SFSWAP: variants seen among roughly 807,000 people sequenced by gnomAD.
SFSWAP encodes the protein splicing factor SWAP, also known as splicing factor, suppressor of white-apricot homolog.
A neutral mutation model predicts 100.7 loss-of-function variants in SFSWAP; 17 were observed. That is an observed-to-expected ratio of 0.17 (90% CI 0.12 to 0.25). SFSWAP has a LOEUF of 0.25. Ranked by LOEUF, SFSWAP falls within the 10% of genes least tolerant of loss-of-function variation. SFSWAP has a pLI of 1.00. For missense variants in SFSWAP, 1,005 were observed against 1,262.6 expected (o/e 0.80, Z 3.09); for synonymous variants, 504 against 510.1 (o/e 0.99, Z 0.16).
chr12:131,773,819 T>G (rs978501830), intron 13 of SFSWAP, among the ~76,000 whole-genome samples: 6 of 152,230 alleles, frequency 3.9e-5, no homozygotes, highest in African/African-American at 1.2e-4. Flanking sequence ...ATGACTGCAT[T>G]TGAGCTGTTG....
chr12:131,725,483 A>G lies in SFSWAP; in HGVS notation c.685A>G (p.Met229Val), dbSNP rs1351627811. 1 of 1,614,194 alleles carries G rather than the reference A, an allele frequency of 6.2e-7. No individual in the cohort carries two copies. The highest frequency in any genetic ancestry group is 8.5e-7 in the Non-Finnish European group (1 of 1,180,040). ...VCRQGAQFEI[M>V]LKAKQARNSQ... ...CAGGCAGGGAGCACAGTTTGAGATCATGCTGAAGGCCAAGCAGGCCCGGAA... is the reference window on the plus strand; with the variant it reads ...CAGGCAGGGAGCACAGTTTGAGATCGTGCTGAAGGCCAAGCAGGCCCGGAA... Residue 229 changes from methionine to valine, a missense_variant, in exon 5 of 18, where the codon ATG becomes GTG. Transcript: ENST00000261674. The surrounding 1 kb of genome is among the most constrained non-coding windows in gnomAD (Gnocchi z 4.3).
chr12:131,723,652 A>T (rs1489958322), intron 4 of SFSWAP, among the ~76,000 whole-genome samples: 1 of 151,566 alleles, frequency 6.6e-6, no homozygotes, highest in Non-Finnish European at 1.5e-5. Context: ...ATGTCATGCC[A>T]CCTCCTTCCT....
intron 7 of SFSWAP, among the ~76,000 whole-genome samples, chr12:131,732,262 T>C (rs1879587955): frequency 6.6e-6 from 1 of 152,190 alleles, no homozygotes; most frequent in African/African-American, 2.4e-5. Flanking sequence ...ATAGAATAAC[T>C]GTAACGTTTG....
At chr12:131,785,230 T>C (rs1050476155) in intron 14 of SFSWAP, 4 of 1,533,494 alleles carry the variant, frequency 2.6e-6, no homozygotes, top group Admixed American at 3.9e-5. Context: ...AACGTCAAGG[T>C]GTCTAACTGA....
intron 11 of SFSWAP, 131 bp downstream of exon 11, chr12:131,756,775 T>A: frequency 1.3e-6 from 1 of 751,952 alleles, no homozygotes. Flanking sequence ...TGGAGGTTGC[T>A]GTGGTGAAAC....
chr12:131,754,744 CTG>C (rs1185165970), intron 9 of SFSWAP, among the ~76,000 whole-genome samples: 1 of 147,856 alleles, frequency 6.8e-6, no homozygotes, highest in Non-Finnish European at 1.5e-5. Flanking sequence ...AGCAATTCTC[CTG>C]TCTCAGCCTC....
At chr12:131,726,335 G>A (rs906478604) in intron 5 of SFSWAP, among the ~76,000 whole-genome samples, 6 of 152,088 alleles carry the variant, frequency 3.9e-5, no homozygotes, top group African/African-American at 4.8e-5. Flanking sequence ...TCAGCCTCCC[G>A]AGTAGCTGGG....
At chr12:131,782,691 C>A (rs570274234) in intron 14 of SFSWAP, among the ~76,000 whole-genome samples, 1 of 152,266 alleles carries the variant, frequency 6.6e-6, no homozygotes, top group African/African-American at 2.4e-5. Context: ...AGCCTTCTTA[C>A]AGCACAACGA....
chr12:131,716,070 C>T (rs1259101726), intron 3 of SFSWAP, among the ~76,000 whole-genome samples: 1 of 152,170 alleles, frequency 6.6e-6, no homozygotes, highest in East Asian at 1.9e-4. Flanking sequence ...GATGTTTGCC[C>T]TTCCATCCTG....
Position 131,729,892 on chromosome 12 carries a change from C to T in SFSWAP, c.1081+1464C>T, listed in dbSNP as rs1042606829. 4.6e-5 allele frequency among the ~76,000 whole-genome samples: 7 copies of T among 152,212 alleles called. No homozygotes were observed. The East Asian group carries it at 7.7e-4, about 17-fold the overall frequency. ...GTAAACATCACAGCTGTGTTCTTTG[C>T]ACTTCCCTTTTAGCACTGGCACATA... On this transcript the variant is annotated intron_variant, in intron 7 of 17. Transcript: ENST00000261674.
chr12:131,754,343 G>A, intron 8 of SFSWAP, 25 bp from the exon 9 acceptor site: 2 of 1,497,364 alleles, frequency 1.3e-6, no homozygotes, highest in Non-Finnish European at 1.8e-6. Flanking sequence ...GAAGCCCAGG[G>A]GTCTCACAGA....
intron 13 of SFSWAP, among the ~76,000 whole-genome samples, chr12:131,770,774 A>G (rs1230596924): frequency 6.6e-6 from 1 of 152,132 alleles, no homozygotes; most frequent in Non-Finnish European, 1.5e-5. Flanking sequence ...CTGTGCAACT[A>G]TTACCACCCA....
chr12:131,711,292 C>G lies in SFSWAP; in HGVS notation c.63C>G (p.Ala21=). ...PERKSGAKEE[A]GPGGAGGGGS... The stretch of plus-strand genomic sequence containing the variant: ...GGAAAAGCGGCGCGAAGGAGGAGGC[C>G]GGGCCAGGCGGTGCCGGCGGTGGGG... Residue 21 remains alanine, a synonymous_variant, in exon 1 of 18, where the codon GCC becomes GCG. Coordinates refer to ENST00000261674, the MANE Select transcript of SFSWAP (RefSeq NM_004592.4). This position sits in a 1 kb window ranked among gnomAD's most constrained non-coding sequence, Gnocchi z 4.9. 6.2e-7 allele frequency: 1 copy of G among 1,613,052 alleles called. No individual in the cohort carries two copies. The highest frequency in any genetic ancestry group is 1.1e-5 in the South Asian group (1 of 91,062).
At position 131,738,992 on chromosome 12, in the gene SFSWAP, A is replaced by G. The variant is rs1880338188; in HGVS notation, c.1081+10564A>G. On this transcript the variant is annotated intron_variant, in intron 7 of 17. Coordinates refer to ENST00000261674, the MANE Select transcript of SFSWAP (RefSeq NM_004592.4). The stretch of plus-strand genomic sequence containing the variant: ...CACTGCAACCTCAAGCTATCCTCCC[A>G]CCTCAGCCTCCTGACCAGCTGGGAC... Among the ~76,000 whole-genome samples, 3 of 87,998 alleles carry G rather than the reference A, an allele frequency of 3.4e-5. No homozygotes were observed. In the South Asian group the frequency reaches 1.2e-3, roughly 37 times the overall value. 57.7% of individuals were successfully genotyped at this position (87,998 alleles called of 152,430 possible). A position where few individuals can be genotyped will look rare whatever the true frequency, so the allele number is the denominator to read the frequency against.
intron 17 of SFSWAP, 127 bp downstream of exon 17, chr12:131,799,236 C>T: frequency 9.8e-7 from 1 of 1,022,274 alleles, no homozygotes; most frequent in South Asian, 1.3e-5. Context: ...GGCAAAATAC[C>T]ACAGGCTCTG....
chr12:131,719,572 A>G (rs745395607), intron 4 of SFSWAP, 33 bp downstream of exon 4: 7 of 1,488,866 alleles, frequency 4.7e-6, no homozygotes, highest in Admixed American at 1.7e-5. Flanking sequence ...AGTTGTCGTC[A>G]TTATTATTTA....
At position 131,755,916 on chromosome 12, in the gene SFSWAP, C is replaced by T. The variant is rs374954495; in HGVS notation, c.1548+437C>T. Among the ~76,000 whole-genome samples, 133 of 152,364 alleles carry T rather than the reference C, an allele frequency of 8.7e-4. 2 individuals are homozygous for T. In the East Asian group the frequency reaches 0.017, roughly 19 times the overall value. Reference sequence around the variant, plus strand: ...AGCACGGCCTCTGCCTGTGCCTGCACGCCCTTCCCCCTCACCAGATCCCCA... The same window carrying T: ...AGCACGGCCTCTGCCTGTGCCTGCATGCCCTTCCCCCTCACCAGATCCCCA... On this transcript the variant is annotated intron_variant, in intron 10 of 17. Coordinates refer to ENST00000261674, the MANE Select transcript of SFSWAP (RefSeq NM_004592.4).
Position 131,774,962 on chromosome 12 carries a change from A to T in SFSWAP, c.2143-3103A>T, listed in dbSNP as rs114714602. On this transcript the variant is annotated intron_variant, in intron 13 of 17. Transcript: ENST00000261674. ...TGGAGGCTCAAATCATTAAGTTGGC[A>T]GTAGAAATATGAATAGAAACTCAGC... 2.0e-3 allele frequency among the ~76,000 whole-genome samples: 302 copies of T among 152,130 alleles called. 3 individuals carry two copies. Among genetic ancestry groups the T allele is most frequent in the African/African-American group, 6.7e-3 (280 of 41,514 alleles).
At chr12:131,758,927 A>T (rs1882417246) in intron 11 of SFSWAP, among the ~76,000 whole-genome samples, 1 of 152,194 alleles carries the variant, frequency 6.6e-6, no homozygotes, top group African/African-American at 2.4e-5. Flanking sequence ...TCTACAAAAA[A>T]TTAAATTAAA....
Sources: gnomAD v4.1 joint callset for allele counts (sites outside exome capture counted in the v4.1 genomes callset) on GRCh38, gnomAD v4.1.1 for gene constraint, Gnocchi (gnomAD v3.1) non-coding constraint, MANE v1.5 for transcripts, NCBI Gene and HGNC (gene_info 2026-07-23, HGNC 2026-07-21) for gene names.